Variants in FBXL7 observed in about 807,000 individuals in gnomAD.
The protein encoded by FBXL7 is F-box/LRR-repeat protein 7.
A neutral mutation model predicts 38.3 loss-of-function variants in FBXL7; 12 were observed. That is an observed-to-expected ratio of 0.31 (90% CI 0.20 to 0.51). FBXL7 has a LOEUF of 0.51. Among genes scored for constraint, FBXL7 ranks in the 20% least tolerant of loss-of-function variants. The probability of loss-of-function intolerance (pLI) is 0.98; values close to 1 mark genes in which losing one functional copy is unlikely to be tolerated. For synonymous variants in FBXL7, 297 were observed against 300.9 expected (o/e 0.99, Z 0.13); for missense variants, 567 against 676.4 (o/e 0.84, Z 1.79).
intron 2 of FBXL7, among the ~76,000 whole-genome samples, chr5:15,761,886 T>C (rs189424252): frequency 6.9e-4 from 105 of 152,344 alleles, no homozygotes; most frequent in Admixed American, 6.7e-3. Context: ...ATAAAAGTGC[T>C]TCATCTTCTT....
At chr5:15,583,745 T>A (rs1370558792) in intron 1 of FBXL7, among the ~76,000 whole-genome samples, 3 of 152,170 alleles carry the variant, frequency 2.0e-5, no homozygotes, top group African/African-American at 7.2e-5. Flanking sequence ...ATGCAAGCTG[T>A]TGGTGGATCT....
chr5:15,774,249 C>T (rs1020697607), intron 2 of FBXL7, among the ~76,000 whole-genome samples: 1 of 152,072 alleles, frequency 6.6e-6, no homozygotes, highest in Admixed American at 6.6e-5. Flanking sequence ...CCTCTTCCTC[C>T]CCTCTAACAA....
At chr5:15,914,163 G>T (rs922559855) in intron 2 of FBXL7, among the ~76,000 whole-genome samples, 40 of 152,020 alleles carry the variant, frequency 2.6e-4, no homozygotes, top group African/African-American at 9.4e-4. Context: ...GAGGCGGGCG[G>T]ATCTCGAGGT....
chr5:15,589,798 C>G (rs1178692200), intron 1 of FBXL7, among the ~76,000 whole-genome samples: 2 of 152,140 alleles, frequency 1.3e-5, no homozygotes, highest in Non-Finnish European at 2.9e-5. Flanking sequence ...CCAGCCATGG[C>G]ATAGCCAGCG....
At chr5:15,656,434 C>G (rs1741884617) in intron 2 of FBXL7, among the ~76,000 whole-genome samples, 1 of 152,110 alleles carries the variant, frequency 6.6e-6, no homozygotes, top group Non-Finnish European at 1.5e-5. Flanking sequence ...AGGAGCACGT[C>G]CCGTCTTACA....
intron 2 of FBXL7, among the ~76,000 whole-genome samples, chr5:15,874,383 T>G (rs1273426597): frequency 6.6e-6 from 1 of 152,118 alleles, no homozygotes; most frequent in Non-Finnish European, 1.5e-5. Context: ...CTCTCACCAC[T>G]CCTATTCAAC....
intron 2 of FBXL7, among the ~76,000 whole-genome samples, chr5:15,630,840 CAA>C (rs916868450): frequency 2.8e-5 from 4 of 142,028 alleles, no homozygotes; most frequent in Non-Finnish European, 6.2e-5. Context: ...AGCTGTGAAA[CAA>C]AAATTTTGAG....
intron 2 of FBXL7, among the ~76,000 whole-genome samples, chr5:15,922,338 A>AT (rs1034960278): frequency 2.0e-5 from 3 of 151,882 alleles, no homozygotes; most frequent in Non-Finnish European, 2.9e-5. Context: ...AAATTGGGGC[A>AT]TTTTTTTCCT....
chr5:15,595,382 C>G (rs1047864093), intron 1 of FBXL7, among the ~76,000 whole-genome samples: 1 of 151,960 alleles, frequency 6.6e-6, no homozygotes, highest in African/African-American at 2.4e-5. Flanking sequence ...CTGCATGTGA[C>G]GAGTGTGGGG....
At chr5:15,802,361 G>C (rs901276233) in intron 2 of FBXL7, among the ~76,000 whole-genome samples, 1 of 152,046 alleles carries the variant, frequency 6.6e-6, no homozygotes, top group African/African-American at 2.4e-5. Flanking sequence ...GCCAAGTAGG[G>C]TCTGTATGAC....
intron 2 of FBXL7, among the ~76,000 whole-genome samples, chr5:15,661,380 G>A (rs1742062949): frequency 7.3e-6 from 1 of 136,168 alleles, no homozygotes; most frequent in Non-Finnish European, 1.6e-5. Flanking sequence ...GTTCTAAGTT[G>A]TATCTTGTTT....
intron 2 of FBXL7, among the ~76,000 whole-genome samples, chr5:15,666,282 A>T (rs548113552): frequency 6.6e-6 from 1 of 152,344 alleles, no homozygotes; most frequent in African/African-American, 2.4e-5. Flanking sequence ...GGCAAAATAC[A>T]CATAGCATGA....
At chr5:15,534,292 G>A (rs1181641614) in intron 1 of FBXL7, among the ~76,000 whole-genome samples, 1 of 152,138 alleles carries the variant, frequency 6.6e-6, no homozygotes, top group Non-Finnish European at 1.5e-5. Flanking sequence ...CTGCAGAATA[G>A]TTTCCCTGCC....
chr5:15,804,182 A>C (rs1357802909), intron 2 of FBXL7, among the ~76,000 whole-genome samples: 1 of 152,126 alleles, frequency 6.6e-6, no homozygotes, highest in Admixed American at 6.5e-5. Context: ...CCACATTTAA[A>C]ATAAGCCAGG....
chr5:15,571,984 G>A (rs866544000), intron 1 of FBXL7, among the ~76,000 whole-genome samples: 1 of 152,160 alleles, frequency 6.6e-6, no homozygotes, highest in Non-Finnish European at 1.5e-5. Flanking sequence ...TCCAGGTTCC[G>A]ATTTTTCAAG....
chr5:15,694,197 C>G (rs1253513848), intron 2 of FBXL7, among the ~76,000 whole-genome samples: 3 of 152,190 alleles, frequency 2.0e-5, no homozygotes, highest in Admixed American at 1.3e-4. Flanking sequence ...ACCAAAGACA[C>G]AAGCCTCACC....
chr5:15,510,225 C>T (rs911682730), intron 1 of FBXL7, among the ~76,000 whole-genome samples: 1 of 152,120 alleles, frequency 6.6e-6, no homozygotes, highest in South Asian at 2.1e-4. Context: ...TGTTTGCTAC[C>T]CTTTCTGTGG....
chr5:15,609,938 T>C lies in FBXL7; in HGVS notation c.38-6045T>C, dbSNP rs576601946. Among the ~76,000 whole-genome samples the C allele has an allele frequency of 2.0e-5, 3 of 152,144 alleles. No individual in the cohort carries two copies. In the East Asian group the frequency reaches 5.8e-4, roughly 29 times the overall value. Reference sequence around the variant, plus strand: ...ACGGTAATTTACAAAGAAAAAGAGGTGTAATGGACTCACAGTTCCACATGG... The same window carrying C: ...ACGGTAATTTACAAAGAAAAAGAGGCGTAATGGACTCACAGTTCCACATGG... On this transcript the variant is annotated intron_variant, in intron 1 of 3. Coordinates refer to ENST00000504595, the MANE Select transcript of FBXL7 (RefSeq NM_012304.5).
chr5:15,816,568 G>A (rs531617160), intron 2 of FBXL7, among the ~76,000 whole-genome samples: 1 of 152,120 alleles, frequency 6.6e-6, no homozygotes, highest in Non-Finnish European at 1.5e-5. Flanking sequence ...TCCAGTGACA[G>A]ATGCAGTAAA....
Sources: gnomAD v4.1 joint callset for allele counts (sites outside exome capture counted in the v4.1 genomes callset) on GRCh38, gnomAD v4.1.1 for gene constraint, MANE v1.5 for transcripts, NCBI Gene and HGNC (gene_info 2026-07-23, HGNC 2026-07-21) for gene names.